PHACTR3: variants seen among roughly 807,000 people sequenced by gnomAD.
PHACTR3 encodes the protein protein phosphatase 1, regulatory subunit 123.
PHACTR3 carries 16 observed loss-of-function variants against 66.8 expected under a neutral mutation model. The ratio of observed to expected loss-of-function variants is 0.24; its 90% CI spans 0.16 to 0.36. PHACTR3 has a LOEUF of 0.36. Ranked by LOEUF, PHACTR3 falls within the 10% of genes least tolerant of loss-of-function variation. The probability of loss-of-function intolerance (pLI) is 1.00; values close to 1 mark genes in which losing one functional copy is unlikely to be tolerated. For missense variants in PHACTR3, 647 were observed against 719.9 expected (o/e 0.90, Z 1.16); for synonymous variants, 323 against 292.1 (o/e 1.11, Z -1.08).
At chr20:59,743,728 C>T (rs1032920832) in intron 2 of PHACTR3, among the ~76,000 whole-genome samples, 32 of 152,226 alleles carry the variant, frequency 2.1e-4, no homozygotes, top group African/African-American at 7.5e-4. Context: ...GTCGTACCCC[C>T]ACAGATGCAG....
chr20:59,713,263 T>C (rs6015559), intron 1 of PHACTR3, among the ~76,000 whole-genome samples: 14,410 of 152,314 alleles, frequency 0.095, 2,134 homozygotes, highest in African/African-American at 0.32. Context: ...AGTCGATTCC[T>C]GGACATATCT....
chr20:59,685,547 G>A (rs915194423), intron 1 of PHACTR3, among the ~76,000 whole-genome samples: 3 of 152,236 alleles, frequency 2.0e-5, no homozygotes, highest in Non-Finnish European at 2.9e-5. Context: ...GCTGGTGAAT[G>A]CTCCAGGAGG....
intron 1 of PHACTR3, among the ~76,000 whole-genome samples, chr20:59,641,089 A>G (rs1490639659): frequency 6.6e-6 from 1 of 152,138 alleles, no homozygotes; most frequent in Admixed American, 6.5e-5. Context: ...GAGGAACACC[A>G]TCAATAGGAT....
At chr20:59,619,701 A>G (rs1413361807) in intron 1 of PHACTR3, among the ~76,000 whole-genome samples, 1 of 152,154 alleles carries the variant, frequency 6.6e-6, no homozygotes, top group Non-Finnish European at 1.5e-5. Context: ...CAGTAAGCTT[A>G]TGGTTTTGTG....
At position 59,738,122 on chromosome 20, in the gene PHACTR3, A is replaced by G. The variant is rs147665165; in HGVS notation, c.119-4985A>G. On this transcript the variant is annotated intron_variant, in intron 1 of 12. Transcript: ENST00000371015. The surrounding 1 kb of genome is among the most constrained non-coding windows in gnomAD (Gnocchi z 4.4). ...CTTCCACCAGTGGAAGCAGTCACAT[A>G]GCCACAGCAAGAAGGAGACACCATA... 5.5e-3 allele frequency among the ~76,000 whole-genome samples: 831 copies of G among 152,180 alleles called. 14 individuals carry two copies. Among genetic ancestry groups the G allele is most frequent in the Middle Eastern group, 0.024 (7 of 294 alleles).
At position 59,737,489 on chromosome 20, in the gene PHACTR3, CGTGT is replaced by C. The variant is rs148487053; in HGVS notation, c.119-5609_119-5606del. ...ACAAATGAGTGTGTGCGTGCATGTGCGTGTGTGTGTGTCTGTGTGCGTGCATGTG... is the reference window on the plus strand; with the variant it reads ...ACAAATGAGTGTGTGCGTGCATGTGCGTGTGTGTCTGTGTGCGTGCATGTG... On this transcript the variant is annotated intron_variant, in intron 1 of 12. Transcript: ENST00000371015. Among the ~76,000 whole-genome samples, 236 of 150,504 alleles carry C rather than the reference CGTGT, an allele frequency of 1.6e-3. 1 individual carries two copies. The highest frequency in any genetic ancestry group is 5.2e-3 in the African/African-American group (214 of 41,204).
intron 9 of PHACTR3, among the ~76,000 whole-genome samples, chr20:59,839,774 C>CGCTTCAGCAATGGAGAGTCAGCGA (rs2059025789): frequency 1.3e-5 from 2 of 152,106 alleles, no homozygotes; most frequent in Non-Finnish European, 2.9e-5. Context: ...ACAGTGTTCA[C>CGCTTCAGCAATGGAGAGTCAGCGA]GCTTCAGCAA....
chr20:59,768,941 T>C (rs1479116857), intron 5 of PHACTR3, among the ~76,000 whole-genome samples: 1 of 152,224 alleles, frequency 6.6e-6, no homozygotes, highest in Non-Finnish European at 1.5e-5. Context: ...GGGGCTGTGG[T>C]GCCCTGTGGT....
chr20:59,745,031 A>C (rs1434389727), intron 2 of PHACTR3, among the ~76,000 whole-genome samples: 2 of 152,164 alleles, frequency 1.3e-5, no homozygotes, highest in Admixed American at 1.3e-4. Flanking sequence ...ATCCAGGCTT[A>C]ATGGCAGGAT....
chr20:59,805,197 T>G (rs2041529589), intron 7 of PHACTR3, among the ~76,000 whole-genome samples: 1 of 152,202 alleles, frequency 6.6e-6, no homozygotes, highest in Non-Finnish European at 1.5e-5. Flanking sequence ...TAAGTAAATA[T>G]AAACATTCCA....
chr20:59,633,294 A>G (rs1426237703), intron 1 of PHACTR3, among the ~76,000 whole-genome samples: 2 of 152,254 alleles, frequency 1.3e-5, no homozygotes. Flanking sequence ...AACGTGGTAC[A>G]TATACACCAT....
In PHACTR3 at chr20:59,829,720, C is replaced by T. The variant is rs998970430; in HGVS notation, c.1329-6785C>T. Reference sequence around the variant, plus strand: ...AAGGAGCCTCCCAAAATAGCCCGGGCGTCCCCTGTGGGTGTCGAGCTGTCT... The same window carrying T: ...AAGGAGCCTCCCAAAATAGCCCGGGTGTCCCCTGTGGGTGTCGAGCTGTCT... On this transcript the variant is annotated intron_variant, in intron 8 of 12. Coordinates refer to ENST00000371015, the MANE Select transcript of PHACTR3 (RefSeq NM_080672.5). The surrounding 1 kb of genome is among the most constrained non-coding windows in gnomAD (Gnocchi z 4.2). Among the ~76,000 whole-genome samples, 6 of 152,236 alleles carry T rather than the reference C, an allele frequency of 3.9e-5. No individual in the cohort carries two copies. The highest frequency in any genetic ancestry group is 6.5e-5 in the Admixed American group (1 of 15,288).
At chr20:59,757,372 G>C (rs1020934502) in intron 4 of PHACTR3, among the ~76,000 whole-genome samples, 6 of 152,254 alleles carry the variant, frequency 3.9e-5, no homozygotes, top group Non-Finnish European at 8.8e-5. Flanking sequence ...TGGGTCTGTT[G>C]AGATTACACA....
At chr20:59,730,021 C>G (rs915465656) in intron 1 of PHACTR3, among the ~76,000 whole-genome samples, 2 of 152,156 alleles carry the variant, frequency 1.3e-5, no homozygotes, top group Non-Finnish European at 2.9e-5. Context: ...CACTTGAGCA[C>G]AGATGGACCT....
chr20:59,635,149 T>TTCTTTCTTTCTTTCTTTCTTTTTC (rs1555881160), intron 1 of PHACTR3, among the ~76,000 whole-genome samples: 1 of 60,412 alleles, frequency 1.7e-5, no homozygotes, highest in Admixed American at 2.0e-4. Context: ...CTTTCTTTCT[T>TTCTTTCTTTCTTTCTTTCTTTTTC]TTTCTTTCTT....
chr20:59,686,737 GTGATGATGGTGATGA>G (rs2036888945), intron 1 of PHACTR3, among the ~76,000 whole-genome samples: 1 of 75,634 alleles, frequency 1.3e-5, no homozygotes, highest in Non-Finnish European at 2.6e-5. Flanking sequence ...GATGATGGTG[GTGATGATGGTGATGA>G]TGATGGTGAT....
rs1315842791 is a variant in PHACTR3, at chr20:59,743,141, A to G, written c.153A>G (p.Glu51=). ...EMDQTPPARP[E]YLVSGIRTPP... is the part of the protein sequence containing the mutation. ...ACCAAACGCCCCCGGCGCGTCCTGAATATCTGGTCTCAGGGATTCGAACTC... is the reference window on the plus strand; with the variant it reads ...ACCAAACGCCCCCGGCGCGTCCTGAGTATCTGGTCTCAGGGATTCGAACTC... The change falls in exon 2 of 13, where the codon GAA becomes GAG. Residue 51 remains glutamate (E), a synonymous_variant. Coordinates refer to ENST00000371015, the MANE Select transcript of PHACTR3 (RefSeq NM_080672.5). The G allele has an allele frequency of 1.2e-6, 2 of 1,614,030 alleles. No individual in the cohort carries two copies. Among genetic ancestry groups the G allele is most frequent in the Admixed American group, 1.7e-5 (1 of 60,008 alleles).
chr20:59,668,923 T>G (rs556407639), intron 1 of PHACTR3, among the ~76,000 whole-genome samples: 16 of 151,696 alleles, frequency 1.1e-4, no homozygotes, highest in Non-Finnish European at 1.8e-4. Flanking sequence ...TTATTTTGTA[T>G]TTTTAGTAGA....
intron 1 of PHACTR3, among the ~76,000 whole-genome samples, chr20:59,692,330 T>C (rs1017497249): frequency 2.0e-5 from 3 of 152,204 alleles, no homozygotes; most frequent in Non-Finnish European, 2.9e-5. Context: ...GTGGTTCAGC[T>C]CTGGAGGTGT....
Sources: gnomAD v4.1 joint callset for allele counts (sites outside exome capture counted in the v4.1 genomes callset) on GRCh38, gnomAD v4.1.1 for gene constraint, Gnocchi (gnomAD v3.1) non-coding constraint, MANE v1.5 for transcripts, NCBI Gene and HGNC (gene_info 2026-07-23, HGNC 2026-07-21) for gene names.